The following PDE10A variants were observed in gnomAD, a reference collection of about 807,000 sequenced individuals.
PDE10A encodes phosphodiesterase 10A, also known as cAMP and cAMP-inhibited cGMP 3',5'-cyclic phosphodiesterase 10A.
A neutral mutation model predicts 97.7 loss-of-function variants in PDE10A; 39 were observed. That is an observed-to-expected ratio of 0.40 (90% confidence interval 0.31 to 0.52). The LOEUF (loss-of-function observed/expected upper bound fraction) is 0.52. Among genes scored for constraint, PDE10A ranks in the 20% least tolerant of loss-of-function variants. The probability of loss-of-function intolerance (pLI) is 0.56; values close to 1 mark genes in which losing one functional copy is unlikely to be tolerated. For synonymous variants in PDE10A, 371 were observed against 376.8 expected (o/e 0.98, Z 0.18); for missense variants, 731 against 1,047.8 (o/e 0.70, Z 4.17).
chr6:165,474,532 C>T (rs1278877620), intron 3 of PDE10A, among the ~76,000 whole-genome samples: 1 of 152,096 alleles, frequency 6.6e-6, no homozygotes, highest in East Asian at 1.9e-4. Flanking sequence ...GAGTAACTAC[C>T]ATCGAGTATT....
chr6:165,398,213 A>G (rs765489291), intron 13 of PDE10A, among the ~76,000 whole-genome samples: 10 of 152,148 alleles, frequency 6.6e-5, no homozygotes, highest in Non-Finnish European at 1.5e-4. Flanking sequence ...AAATGGAATA[A>G]AGTTTGTATT....
chr6:165,826,261 G>A (rs976637826), intron 1 of PDE10A, among the ~76,000 whole-genome samples: 81 of 152,180 alleles, frequency 5.3e-4, no homozygotes, highest in Non-Finnish European at 8.8e-4. Flanking sequence ...GGATGGCCAC[G>A]ATGGCCCTCT....
chr6:165,629,375 T>C (rs553586596), intron 1 of PDE10A, among the ~76,000 whole-genome samples: 89 of 152,340 alleles, frequency 5.8e-4, no homozygotes, highest in African/African-American at 2.0e-3. Flanking sequence ...TTCACCTAAC[T>C]GCAGCTTCTT....
At chr6:165,345,695 A>G (rs548246238) in intron 18 of PDE10A, among the ~76,000 whole-genome samples, 15 of 152,256 alleles carry the variant, frequency 9.9e-5, no homozygotes, top group Non-Finnish European at 1.5e-4. Context: ...TCTTAATCAC[A>G]TAATTTCAGA....
At chr6:165,462,947 T>C (rs1321689804) in intron 3 of PDE10A, among the ~76,000 whole-genome samples, 1 of 152,234 alleles carries the variant, frequency 6.6e-6, no homozygotes, top group Non-Finnish European at 1.5e-5. Flanking sequence ...AATTGAGGCA[T>C]ACCACCCTCA....
At chr6:165,960,827 TGTGA>T (rs963901201) in intron 1 of PDE10A, among the ~76,000 whole-genome samples, 1 of 151,948 alleles carries the variant, frequency 6.6e-6, no homozygotes, top group Non-Finnish European at 1.5e-5. Context: ...GAGCACTCTG[TGTGA>T]GTGAGTGTCT....
At chr6:165,838,341 GT>G (rs1402590853) in intron 1 of PDE10A, among the ~76,000 whole-genome samples, 1 of 151,824 alleles carries the variant, frequency 6.6e-6, no homozygotes, top group African/African-American at 2.4e-5. Context: ...TTTGACCTTT[GT>G]TTTTCTTTAT....
At chr6:165,898,668 G>A (rs1481845125) in intron 1 of PDE10A, among the ~76,000 whole-genome samples, 1 of 151,738 alleles carries the variant, frequency 6.6e-6, no homozygotes, top group African/African-American at 2.4e-5. Context: ...TCCTCCCTGG[G>A]ACCCTCCCAA....
chr6:165,968,117 G>C (rs705800), intron 1 of PDE10A, among the ~76,000 whole-genome samples: 144,730 of 152,286 alleles, frequency 0.95, 68,843 homozygotes, highest in East Asian at 1. Flanking sequence ...GTGAGTTGGT[G>C]GGTGGCAGTG....
chr6:165,878,418 A>G (rs1003079105), intron 1 of PDE10A, among the ~76,000 whole-genome samples: 21 of 152,222 alleles, frequency 1.4e-4, no homozygotes, highest in Admixed American at 1.4e-3. Flanking sequence ...TAAACAAGTA[A>G]AAGCATCAGC....
At chr6:165,512,431 G>T (rs1187989157) in intron 2 of PDE10A, among the ~76,000 whole-genome samples, 1 of 151,624 alleles carries the variant, frequency 6.6e-6, no homozygotes, top group East Asian at 1.9e-4. Flanking sequence ...AGTAGCCTAG[G>T]TTGACAAGTT....
chr6:165,387,753 T>A (rs1381275602), intron 17 of PDE10A, among the ~76,000 whole-genome samples: 2 of 152,216 alleles, frequency 1.3e-5, no homozygotes, highest in Non-Finnish European at 1.5e-5. Flanking sequence ...TATGATGTAA[T>A]AGCTACCTTG....
intron 1 of PDE10A, among the ~76,000 whole-genome samples, chr6:165,938,960 A>G (rs1231467635): frequency 6.6e-6 from 1 of 152,232 alleles, no homozygotes. Flanking sequence ...TATAGCATCA[A>G]AAAACTGGAA....
intron 2 of PDE10A, among the ~76,000 whole-genome samples, chr6:165,519,033 G>A (rs910755541): frequency 6.6e-6 from 1 of 152,144 alleles, no homozygotes. Context: ...AAAGATGAGG[G>A]TGAGACAATG....
At chr6:165,981,449 G>C (rs368545929) in intron 1 of PDE10A, among the ~76,000 whole-genome samples, 21 of 152,286 alleles carry the variant, frequency 1.4e-4, no homozygotes, top group African/African-American at 5.1e-4. Flanking sequence ...TTCAACCTGA[G>C]GGGAGGAGAG....
At chr6:165,778,389 A>G (rs1778254237) in intron 1 of PDE10A, among the ~76,000 whole-genome samples, 2 of 152,186 alleles carry the variant, frequency 1.3e-5, no homozygotes, top group South Asian at 4.1e-4. Flanking sequence ...ATTTTCATTC[A>G]GTATTTTGTT....
At chr6:165,902,778 G>A (rs1349828729) in intron 1 of PDE10A, among the ~76,000 whole-genome samples, 1 of 152,178 alleles carries the variant, frequency 6.6e-6, no homozygotes, top group Non-Finnish European at 1.5e-5. Context: ...GGGCAGATAT[G>A]TCTTCTCCAC....
At chr6:165,401,701 T>C (rs1181856078) in intron 13 of PDE10A, among the ~76,000 whole-genome samples, 2 of 152,188 alleles carry the variant, frequency 1.3e-5, no homozygotes, top group Non-Finnish European at 2.9e-5. Context: ...TGCTGTCACC[T>C]TTTCCTAGCT....
chr6:165,662,131 G>T lies in PDE10A; in HGVS notation c.681C>A (p.Arg227=), dbSNP rs946560868. The change falls in exon 1 of 22, where the codon CGC becomes CGA. Residue 227 remains arginine, a synonymous_variant. Transcript: ENST00000539869. ...CGCCGGGGAAGCCGGGGGAGCCCGC[G>T]CGGCGGGCGGCCTGGCCAAGGGGGA... ...PRLPLGQAAR[R]AGSPGFPGAG... 1.5e-5 allele frequency: 13 copies of T among 849,190 alleles called. No homozygotes were observed. The highest frequency in any genetic ancestry group is 1.7e-5 in the Non-Finnish European group (12 of 702,742). The allele number at this position is 849,190 out of a possible 1,614,324, so 52.6% of individuals were successfully genotyped here.
Sources: allele counts gnomAD v4.1 joint callset (sites outside exome capture counted in the v4.1 genomes callset), GRCh38; gene constraint gnomAD v4.1.1; transcripts MANE v1.5; gene names NCBI Gene and HGNC (gene_info 2026-07-23, HGNC 2026-07-21).